Variants in KAZN observed in about 807,000 individuals in gnomAD.
The protein encoded by KAZN is kazrin.
Under a neutral mutation model 87.4 loss-of-function variants are expected in KAZN, and 40 were observed. The observed-to-expected ratio is 0.46, with a 90% confidence interval of 0.36 to 0.60. The LOEUF (loss-of-function observed/expected upper bound fraction) is 0.60. Among genes scored for constraint, KAZN ranks in the 20% least tolerant of loss-of-function variants. KAZN has a pLI of 0.00. For synonymous variants in KAZN, 466 were observed against 458.3 expected, an observed-to-expected ratio of 1.02 and a Z score of -0.22; for missense variants, 898 against 1,073.9, an observed-to-expected ratio of 0.84 and a Z score of 2.29.
chr1:14,355,400 ATATTTATTTATT>A (rs58049152), intron 2 of KAZN, among the ~76,000 whole-genome samples: 2,405 of 147,964 alleles, frequency 0.016, 39 homozygotes, highest in African/African-American at 0.038. Flanking sequence ...AACAATCTAC[ATATTTATTTATT>A]TATTTATTTA....
At chr1:14,320,017 G>A (rs76297118) in intron 2 of KAZN, among the ~76,000 whole-genome samples, 12,285 of 152,066 alleles carry the variant, frequency 0.081, 543 homozygotes, top group African/African-American at 0.12. Context: ...ATCAATGATC[G>A]GATGTTTATT....
chr1:14,508,580 C>T (rs1670735068), intron 2 of KAZN, among the ~76,000 whole-genome samples: 2 of 152,134 alleles, frequency 1.3e-5, no homozygotes, highest in South Asian at 4.1e-4. Flanking sequence ...CTGGTGGAAT[C>T]ACCTGGTTTC....
At chr1:15,062,578 A>C (rs1638884763) in intron 6 of KAZN, 2 of 152,528 alleles carry the variant, frequency 1.3e-5, no homozygotes, top group Non-Finnish European at 2.9e-5. Flanking sequence ...CACTCTGGCC[A>C]CTAATTTAGA....
intron 1 of KAZN, among the ~76,000 whole-genome samples, chr1:14,685,931 A>G (rs568608179): frequency 2.0e-4 from 31 of 152,136 alleles, no homozygotes; most frequent in Non-Finnish European, 4.0e-4. Flanking sequence ...TTTACTGATC[A>G]TTGGTGAAGA....
At chr1:14,871,639 C>T (rs1172308400) in intron 1 of KAZN, among the ~76,000 whole-genome samples, 1 of 114,754 alleles carries the variant, frequency 8.7e-6, no homozygotes, top group Non-Finnish European at 1.8e-5. Context: ...GAGACATCTA[C>T]ATGAGCAGCA....
chr1:13,958,531 G>A (rs1050564219), intron 1 of KAZN, among the ~76,000 whole-genome samples: 5 of 145,996 alleles, frequency 3.4e-5, no homozygotes, highest in East Asian at 2.0e-4. Context: ...CCGAGATTGC[G>A]CCACTGCACT....
chr1:14,301,362 C>A (rs964768667), intron 2 of KAZN, among the ~76,000 whole-genome samples: 2 of 152,242 alleles, frequency 1.3e-5, no homozygotes, highest in Admixed American at 6.5e-5. Flanking sequence ...TTCAAACCTG[C>A]GGATTCCTTC....
At chr1:14,578,474 AAAGC>A (rs568203417) in intron 2 of KAZN, among the ~76,000 whole-genome samples, 34 of 152,286 alleles carry the variant, frequency 2.2e-4, no homozygotes, top group African/African-American at 7.9e-4. Context: ...AAGAAGATAA[AAAGC>A]AATCAGAAAA....
intron 2 of KAZN, among the ~76,000 whole-genome samples, chr1:14,257,991 A>G (rs1367239032): frequency 6.7e-6 from 1 of 149,388 alleles, no homozygotes; most frequent in Non-Finnish European, 1.5e-5. Flanking sequence ...AAAAAAAGAA[A>G]AGAAGGGGGA....
chr1:14,218,599 G>C (rs1156668570), intron 2 of KAZN, among the ~76,000 whole-genome samples: 2 of 152,102 alleles, frequency 1.3e-5, no homozygotes, highest in African/African-American at 4.8e-5. Context: ...GACAATTTAT[G>C]TTCAGTAAGG....
rs149659502 is a variant in KAZN, at chr1:14,807,825, G to A, written c.227-152859G>A. ...GTAGTGTGTATCTGTGGGCAAATCA[G>A]CCCCCAAATTAGACCTATTTCCCCA... On this transcript the variant is annotated intron_variant, in intron 1 of 14. Transcript: ENST00000376030. Among the ~76,000 whole-genome samples, 88 of 152,098 alleles carry A rather than the reference G, an allele frequency of 5.8e-4. No homozygotes were observed. The East Asian group carries it at 0.015, about 26-fold the overall frequency.
intron 1 of KAZN, among the ~76,000 whole-genome samples, chr1:14,054,653 G>A (rs1642476274): frequency 6.6e-6 from 1 of 152,150 alleles, no homozygotes; most frequent in South Asian, 2.1e-4. Context: ...CATTAAGATA[G>A]GTGACAAAGG....
At chr1:14,273,414 A>G in intron 2 of KAZN, among the ~76,000 whole-genome samples, 1 of 152,152 alleles carries the variant, frequency 6.6e-6, no homozygotes, top group Non-Finnish European at 1.5e-5. Flanking sequence ...TCTTAATGAT[A>G]TATGTATATG....
intron 4 of KAZN, among the ~76,000 whole-genome samples, chr1:15,048,015 C>T (rs548148620): frequency 6.6e-6 from 1 of 152,304 alleles, no homozygotes; most frequent in South Asian, 2.1e-4. Flanking sequence ...GAGGTGCTGC[C>T]ACAGAGGTGG....
intron 1 of KAZN, among the ~76,000 whole-genome samples, chr1:13,901,057 AAAAAC>A (rs1639231175): frequency 6.6e-6 from 1 of 151,990 alleles, no homozygotes; most frequent in African/African-American, 2.4e-5. Flanking sequence ...AAAAAAAACA[AAAAAC>A]AAAAAAAGAA....
At chr1:14,815,327 C>A (rs756586511) in intron 1 of KAZN, among the ~76,000 whole-genome samples, 1 of 152,126 alleles carries the variant, frequency 6.6e-6, no homozygotes, top group Non-Finnish European at 1.5e-5. Flanking sequence ...CATCCGGTGT[C>A]GTTGGCAGTC....
At chr1:14,299,864 G>A (rs1365718516) in intron 2 of KAZN, among the ~76,000 whole-genome samples, 2 of 152,196 alleles carry the variant, frequency 1.3e-5, no homozygotes, top group Non-Finnish European at 2.9e-5. Context: ...AACAGGGAGT[G>A]TACAGGGAAA....
chr1:14,073,109 G>C (rs1328110047), intron 1 of KAZN, among the ~76,000 whole-genome samples: 1 of 152,198 alleles, frequency 6.6e-6, no homozygotes, highest in African/African-American at 2.4e-5. Flanking sequence ...AGGCACCTGT[G>C]ATCAGCTTTG....
At chr1:14,057,043 C>CAAAA (rs527243643) in intron 1 of KAZN, among the ~76,000 whole-genome samples, 5,799 of 91,458 alleles carry the variant, frequency 0.063, 356 homozygotes, top group African/African-American at 0.16. Flanking sequence ...GACCCTGTCT[C>CAAAA]AAAAAAAAAA....
Sources: gnomAD v4.1 joint callset for allele counts (sites outside exome capture counted in the v4.1 genomes callset) on GRCh38, gnomAD v4.1.1 for gene constraint, MANE v1.5 for transcripts, NCBI Gene and HGNC (gene_info 2026-07-23, HGNC 2026-07-21) for gene names.